Variants in SPOCD1 observed in about 807,000 individuals in gnomAD.
SPOCD1 encodes the protein SPOC domain-containing protein 1.
Under a neutral mutation model 92.2 loss-of-function variants are expected in SPOCD1, and 64 were observed. That is an observed-to-expected ratio of 0.69 (90% CI 0.57 to 0.86). The LOEUF is 0.86. Among genes scored for constraint, SPOCD1 ranks in the 40% least tolerant of loss-of-function variants. The pLI, the probability that SPOCD1 is intolerant of heterozygous loss-of-function variation, is 0.00. For synonymous variants in SPOCD1, 578 were observed against 619.3 expected (o/e 0.93, Z 0.99); for missense variants, 1,360 against 1,543.1 (o/e 0.88, Z 1.99).
At chr1:31,804,376 AACT>A (rs138069917) in intron 2 of SPOCD1, among the ~76,000 whole-genome samples, 255 of 152,340 alleles carry the variant, frequency 1.7e-3, no homozygotes, top group African/African-American at 5.9e-3. Context: ...CCATAACTTC[AACT>A]ACTATTCTAT....
At chr1:31,813,264 CTTTTT>C (rs372279377) in intron 2 of SPOCD1, among the ~76,000 whole-genome samples, 2 of 151,984 alleles carry the variant, frequency 1.3e-5, no homozygotes, top group Non-Finnish European at 2.9e-5. Flanking sequence ...TGCTAGGCAC[CTTTTT>C]TTTGTTTGTT....
At chr1:31,796,231 A>G in intron 10 of SPOCD1, 2 of 370,452 alleles carry the variant, frequency 5.4e-6, no homozygotes, top group South Asian at 4.4e-5. Flanking sequence ...CGTTCCTTCC[A>G]TCTGAAAAAG....
chr1:31,799,265 G>A, intron 7 of SPOCD1, 136 bp downstream of exon 7: 1 of 746,194 alleles, frequency 1.3e-6, no homozygotes, highest in South Asian at 1.7e-5. Flanking sequence ...TCTTGGTATG[G>A]GCAAGGGACC....
intron 13 of SPOCD1, 114 bp downstream of exon 13, chr1:31,793,164 G>A: frequency 7.5e-7 from 1 of 1,336,370 alleles, no homozygotes. Context: ...GCCAGGCACA[G>A]AAAGGGGTGC....
chr1:31,800,217 G>A, intron 4 of SPOCD1, 76 bp from the exon 5 acceptor site: 2 of 1,518,816 alleles, frequency 1.3e-6, no homozygotes, highest in Non-Finnish European at 1.8e-6. Context: ...TGTACTGGAG[G>A]CCCAGCCCCT....
chr1:31,794,791 G>A (rs1025953208), intron 10 of SPOCD1: 13 of 152,260 alleles, frequency 8.5e-5, no homozygotes, highest in African/African-American at 3.1e-4. Flanking sequence ...GGGATTAAAG[G>A]TGTGGGCCAC....
At position 31,796,571 on chromosome 1, in the gene SPOCD1, G is replaced by C; in HGVS notation, c.2271+19C>G. ...CAGGCATGGGCTCTGCCCAGCACCA[G>C]GTCAGGCTCCAACTTAACCACCAGA... On this transcript the variant is annotated intron_variant, in intron 10 of 15. Coordinates refer to ENST00000360482, the MANE Select transcript of SPOCD1 (RefSeq NM_144569.7). 1 of 1,614,266 alleles carries C rather than the reference G, an allele frequency of 6.2e-7. No individual in the cohort carries two copies. The highest frequency in any genetic ancestry group is 8.5e-7 in the Non-Finnish European group (1 of 1,180,048).
intron 12 of SPOCD1, 32 bp downstream of exon 12, chr1:31,793,715 G>A: frequency 6.2e-7 from 1 of 1,613,330 alleles, no homozygotes; most frequent in Non-Finnish European, 8.5e-7. Flanking sequence ...AACCCTGCTG[G>A]GTTATCCACC....
At chr1:31,807,925 C>A (rs1648942626) in intron 2 of SPOCD1, among the ~76,000 whole-genome samples, 2 of 151,928 alleles carry the variant, frequency 1.3e-5, no homozygotes, top group African/African-American at 2.4e-5. Context: ...GTATAACTTA[C>A]CAAAATTGAT....
At chr1:31,811,123 C>T (rs976008571) in intron 2 of SPOCD1, among the ~76,000 whole-genome samples, 1 of 152,194 alleles carries the variant, frequency 6.6e-6, no homozygotes, top group African/African-American at 2.4e-5. Flanking sequence ...TTCATTCTCC[C>T]CACTTCATAG....
chr1:31,800,892 C>G (rs898431604), intron 3 of SPOCD1, among the ~76,000 whole-genome samples: 1 of 152,216 alleles, frequency 6.6e-6, no homozygotes, highest in Non-Finnish European at 1.5e-5. Context: ...TCCCCCTTAA[C>G]CCCCAGTCAC....
chr1:31,799,899 G>A, intron 5 of SPOCD1, 36 bp from the exon 6 acceptor site: 2 of 1,614,026 alleles, frequency 1.2e-6, no homozygotes, highest in South Asian at 2.2e-5. Context: ...GGCTGTGCTG[G>A]TGGGCCTGGC....
In SPOCD1 at chr1:31,791,295, C is replaced by T. The variant is rs910944253; in HGVS notation, c.2963-4G>A. The T allele has an allele frequency of 1.1e-5, 16 of 1,507,640 alleles. No homozygotes were observed. Among genetic ancestry groups the T allele is most frequent in the Non-Finnish European group, 1.4e-5 (16 of 1,127,802 alleles). The allele number at this position is 1,507,640 out of a possible 1,614,324, so 93.4% of individuals were successfully genotyped here. ...GAGACAGGAAGAGCCCAAAGGCCTGCGGGGAAGAACTGTGTTCAGCTTAGC... is the reference window on the plus strand; with the variant it reads ...GAGACAGGAAGAGCCCAAAGGCCTGTGGGGAAGAACTGTGTTCAGCTTAGC... On this transcript the variant is annotated splice_polypyrimidine_tract_variant and splice_region_variant and intron_variant, in intron 15 of 15. Transcript: ENST00000360482.
At chr1:31,796,093 T>C (rs1234260916) in intron 10 of SPOCD1, 2 of 244,652 alleles carry the variant, frequency 8.2e-6, no homozygotes, top group Non-Finnish European at 1.6e-5. Context: ...CCTAGACTAT[T>C]GTCACTCCCG....
At chr1:31,810,642 C>G (rs1190059092) in intron 2 of SPOCD1, among the ~76,000 whole-genome samples, 1 of 152,184 alleles carries the variant, frequency 6.6e-6, no homozygotes, top group Non-Finnish European at 1.5e-5. Context: ...GCCACCACGC[C>G]TGGCCGACAT....
In SPOCD1 at chr1:31,798,914, C is replaced by T. The variant is rs778238118; in HGVS notation, c.1869-313G>A. ...CAGCCTGTGCCCCGTCTCTGGCTCA[C>T]GGGATGTGTGGAGGGGAGGAAGCCG... On this transcript the variant is annotated intron_variant, in intron 7 of 15. Coordinates refer to ENST00000360482, the MANE Select transcript of SPOCD1 (RefSeq NM_144569.7). The surrounding 1 kb of genome is among the most constrained non-coding windows in gnomAD (Gnocchi z 4.1). 5 of 561,760 alleles carry T rather than the reference C, an allele frequency of 8.9e-6. No individual in the cohort carries two copies. The highest frequency in any genetic ancestry group is 1.6e-5 in the Non-Finnish European group (5 of 318,584). The allele number at this position is 561,760 out of a possible 1,614,324, so 34.8% of individuals were successfully genotyped here. A position where few individuals can be genotyped will look rare whatever the true frequency, so the allele number is the denominator to read the frequency against.
chr1:31,796,776 C>G (rs1648061670), intron 9 of SPOCD1, 61 bp from the exon 10 acceptor site: 6 of 1,609,210 alleles, frequency 3.7e-6, no homozygotes, highest in Non-Finnish European at 5.1e-6. Flanking sequence ...ATCAAAAGCC[C>G]AAGTGCTCAC....
rs367607323 is a variant in SPOCD1, at chr1:31,815,368, G to A, written c.-35C>T. 61 of 1,507,968 alleles carry A rather than the reference G, an allele frequency of 4.0e-5. No individual in the cohort carries two copies. The highest frequency in any genetic ancestry group is 3.2e-4 in the South Asian group (23 of 72,766). 93.4% of individuals were successfully genotyped at this position (1,507,968 alleles called of 1,614,324 possible). A position where few individuals can be genotyped will look rare whatever the true frequency, so the allele number is the denominator to read the frequency against. ...CCTACCTGGGCCAAAAGCACAACAC[G>A]GGCCCTGTGTGGAGACAGAAAGAGG... On this transcript the variant is annotated 5_prime_UTR_variant, in exon 2 of 16. Coordinates refer to ENST00000360482, the MANE Select transcript of SPOCD1 (RefSeq NM_144569.7).
Position 31,798,369 on chromosome 1 carries a change from C to T in SPOCD1, c.2029-46G>A. 6.3e-7 allele frequency: 1 copy of T among 1,596,776 alleles called. No individual in the cohort carries two copies. Among genetic ancestry groups the T allele is most frequent in the Non-Finnish European group, 8.5e-7 (1 of 1,169,746 alleles). On this transcript the variant is annotated intron_variant, in intron 8 of 15. Coordinates refer to ENST00000360482, the MANE Select transcript of SPOCD1 (RefSeq NM_144569.7). This position sits in a 1 kb window ranked among gnomAD's most constrained non-coding sequence, Gnocchi z 4.1. ...GGCTGCACCACACGCTGAAAGAGCT[C>T]CCCCACCCTAGCATCCTGCAGGGGC...
Sources: gnomAD v4.1 joint callset for allele counts (sites outside exome capture counted in the v4.1 genomes callset) on GRCh38, gnomAD v4.1.1 for gene constraint, Gnocchi (gnomAD v3.1) non-coding constraint, MANE v1.5 for transcripts, NCBI Gene and HGNC (gene_info 2026-07-23, HGNC 2026-07-21) for gene names.